RNLS: variants seen among roughly 807,000 people sequenced by gnomAD.
RNLS encodes renalase, FAD dependent amine oxidase.
In RNLS, 39 loss-of-function variants were observed where a neutral mutation model predicts 39.8. The ratio of observed to expected loss-of-function variants is 0.98; its 90% CI spans 0.76 to 1.28. The LOEUF (loss-of-function observed/expected upper bound fraction) is 1.28, where lower values mean the gene tolerates loss of function less well. Ranked by LOEUF, RNLS falls within the 50% of genes most tolerant of loss-of-function variation. The pLI, the probability that RNLS is intolerant of heterozygous loss-of-function variation, is 0.00. For synonymous variants in RNLS, 147 were observed against 150.7 expected (o/e 0.98, Z 0.18); for missense variants, 410 against 413.3 (o/e 0.99, Z 0.07).
intron 4 of RNLS, among the ~76,000 whole-genome samples, chr10:88,479,904 T>C (rs1376190921): frequency 6.6e-6 from 1 of 152,054 alleles, no homozygotes; most frequent in Non-Finnish European, 1.5e-5. Context: ...GATTCTTCCT[T>C]AAAACTTGTA....
intron 4 of RNLS, among the ~76,000 whole-genome samples, chr10:88,495,574 G>C (rs1187667153): frequency 6.6e-6 from 1 of 152,094 alleles, no homozygotes; most frequent in Non-Finnish European, 1.5e-5. Flanking sequence ...ATACTGAAAA[G>C]AAATCAAAAA....
intron 4 of RNLS, among the ~76,000 whole-genome samples, chr10:88,468,141 A>G (rs1843316841): frequency 6.6e-6 from 1 of 152,244 alleles, no homozygotes; most frequent in African/African-American, 2.4e-5. Context: ...AGGTAAAGGC[A>G]GAAAGCTTTA....
Position 88,330,070 on chromosome 10 carries a change from G to GATATAT in RNLS, c.701-15435_701-15430dup, listed in dbSNP as rs59527333. Among the ~76,000 whole-genome samples, 310 of 140,520 alleles carry GATATAT rather than the reference G, an allele frequency of 2.2e-3. 2 individuals carry two copies. The highest frequency in any genetic ancestry group is 7.7e-3 in the African/African-American group (295 of 38,214). The allele number at this position is 140,520 out of a possible 152,430, so 92.2% of individuals were successfully genotyped here. On this transcript the variant is annotated intron_variant, in intron 5 of 6. Coordinates refer to ENST00000331772, the MANE Select transcript of RNLS (RefSeq NM_001031709.3). ...TTGCATGGTTTTCTGTCTGTTTTGA[G>GATATAT]ATATATATATATATATATATAAATA... is the stretch of plus-strand genomic sequence containing the variant.
chr10:88,230,344 T>C, the RNLS span, among the ~76,000 whole-genome samples: 1 of 152,196 alleles, frequency 6.6e-6, no homozygotes, highest in East Asian at 1.9e-4. Context: ...ACCCGTGATA[T>C]CCAACTGGTG....
chr10:88,393,704 T>C (rs867802753), intron 4 of RNLS, among the ~76,000 whole-genome samples: 4 of 152,240 alleles, frequency 2.6e-5, no homozygotes, highest in Middle Eastern at 3.4e-3. Flanking sequence ...TTAAAGTTCA[T>C]ATGGAACCAA....
chr10:88,545,954 C>CCATT lies in RNLS; in HGVS notation c.526+26945_526+26948dup, dbSNP rs570739872. 4.3e-3 allele frequency among the ~76,000 whole-genome samples: 655 copies of CCATT among 151,982 alleles called. 22 individuals carry two copies. In the South Asian group the frequency reaches 0.075, roughly 17 times the overall value. On this transcript the variant is annotated intron_variant, in intron 4 of 6. Transcript: ENST00000331772. ...CAATTAGCTAAGAAAATCTGAGTCA[C>CCATT]CATTCATTCATTCAATAAATAATTA...
intron 6 of RNLS, among the ~76,000 whole-genome samples, chr10:88,276,916 T>G (rs969548146): frequency 6.6e-6 from 1 of 152,234 alleles, no homozygotes; most frequent in African/African-American, 2.4e-5. Flanking sequence ...TTCAAATGTT[T>G]CAAAATGTCA....
At chr10:88,268,436 A>G in the RNLS span, among the ~76,000 whole-genome samples, 2 of 152,226 alleles carry the variant, frequency 1.3e-5, no homozygotes, top group Admixed American at 6.5e-5. Context: ...CCCAATGATT[A>G]GACATGGCCA....
chr10:88,185,944 G>A, the RNLS span, among the ~76,000 whole-genome samples: 1 of 152,102 alleles, frequency 6.6e-6, no homozygotes, highest in African/African-American at 2.4e-5. Context: ...CTCACCAAGG[G>A]TCTGTTAATA....
the RNLS span, among the ~76,000 whole-genome samples, chr10:88,201,406 C>T: frequency 6.6e-6 from 1 of 152,138 alleles, no homozygotes; most frequent in African/African-American, 2.4e-5. Flanking sequence ...AAAGGACTGG[C>T]AGCTTCCACT....
At chr10:88,244,146 C>T in the RNLS span, among the ~76,000 whole-genome samples, 1 of 152,200 alleles carries the variant, frequency 6.6e-6, no homozygotes, top group Non-Finnish European at 1.5e-5. Flanking sequence ...GGTTCCTGGG[C>T]CCAATCCGGG....
intron 4 of RNLS, among the ~76,000 whole-genome samples, chr10:88,551,931 G>A (rs1848623688): frequency 6.6e-6 from 1 of 152,168 alleles, no homozygotes; most frequent in Non-Finnish European, 1.5e-5. Flanking sequence ...CGATGTGTTT[G>A]AAGAAAGTGC....
At chr10:88,222,481 T>A in the RNLS span, among the ~76,000 whole-genome samples, 2 of 152,188 alleles carry the variant, frequency 1.3e-5, no homozygotes, top group Admixed American at 6.6e-5. Context: ...TTTCTCTGCC[T>A]CAATTTTCAA....
At chr10:88,485,622 C>T (rs1844449333) in intron 4 of RNLS, among the ~76,000 whole-genome samples, 1 of 120,118 alleles carries the variant, frequency 8.3e-6, no homozygotes, top group African/African-American at 3.2e-5. Flanking sequence ...TAGGCCTGAA[C>T]TTTATATACA....
chr10:88,338,758 C>CTTTTTTTTTTTTTTTTTTTTTTTTTTTTT (rs36061512), intron 5 of RNLS, among the ~76,000 whole-genome samples: 1 of 112,496 alleles, frequency 8.9e-6, no homozygotes, highest in Non-Finnish European at 1.8e-5. Flanking sequence ...GCTAGATTTC[C>CTTTTTTTTTTTTTTTTTTTTTTTTTTTTT]TTTTTTTTTT....
chr10:88,363,842 A>C (rs1014311915), intron 4 of RNLS, among the ~76,000 whole-genome samples: 7 of 152,188 alleles, frequency 4.6e-5, no homozygotes, highest in Non-Finnish European at 8.8e-5. Context: ...TCTCTTGTCT[A>C]TACTGGCAAT....
At chr10:88,351,332 A>G (rs1338078348) in intron 5 of RNLS, among the ~76,000 whole-genome samples, 3 of 152,106 alleles carry the variant, frequency 2.0e-5, no homozygotes, top group Non-Finnish European at 4.4e-5. Flanking sequence ...GGTAATGCCT[A>G]TGTTTTCTTC....
In RNLS at chr10:88,278,919, A is replaced by G. The variant is rs527608253; in HGVS notation, c.877-3887T>C. ...TTAGAATAAAAAAAGTTAATTAGTT[A>G]AGTTCATTCATTCATTCTTTGGATC... On this transcript the variant is annotated intron_variant, in intron 6 of 6. Transcript: ENST00000371947. 5.9e-5 allele frequency among the ~76,000 whole-genome samples: 9 copies of G among 152,316 alleles called. No homozygotes were observed. The South Asian group carries it at 1.9e-3, about 32-fold the overall frequency.
intron 6 of RNLS, chr10:88,275,128 G>A: frequency 1.0e-6 from 1 of 953,130 alleles, no homozygotes; most frequent in African/African-American, 1.6e-5. Flanking sequence ...TGCTTTCACG[G>A]AACATATATA....
Sources: allele counts gnomAD v4.1 joint callset (sites outside exome capture counted in the v4.1 genomes callset), GRCh38; gene constraint gnomAD v4.1.1; transcripts MANE v1.5; gene names NCBI Gene and HGNC (gene_info 2026-07-23, HGNC 2026-07-21).